The following SLC25A26 variants were observed in gnomAD, a reference collection of about 807,000 sequenced individuals.
The protein encoded by SLC25A26 is solute carrier family 25 member 26, also known as mitochondrial S-adenosylmethionine carrier protein.
Under a neutral mutation model 37.8 loss-of-function variants are expected in SLC25A26, and 36 were observed. That is an observed-to-expected ratio of 0.95 (90% CI 0.73 to 1.26). The LOEUF (loss-of-function observed/expected upper bound fraction) is 1.26, where lower values mean the gene tolerates loss of function less well. Among genes scored for constraint, SLC25A26 ranks in the 50% most tolerant of loss-of-function variants. SLC25A26 has a pLI of 0.00. For missense variants in SLC25A26, 390 were observed against 331.1 expected (o/e 1.18, Z -1.38); for synonymous variants, 129 against 122.5 (o/e 1.05, Z -0.35).
chr3:66,287,573 T>C (rs2107488516), intron 5 of SLC25A26, among the ~76,000 whole-genome samples: 1 of 152,344 alleles, frequency 6.6e-6, no homozygotes, highest in Middle Eastern at 3.4e-3. Context: ...TACTTCCTTA[T>C]ATAGATTGTG....
intron 5 of SLC25A26, among the ~76,000 whole-genome samples, chr3:66,333,219 A>C (rs1196683267): frequency 6.6e-6 from 1 of 152,134 alleles, no homozygotes. Context: ...GGCCCAAGCA[A>C]ATATTCTTCT....
intron 5 of SLC25A26, among the ~76,000 whole-genome samples, chr3:66,326,388 C>A (rs1228183911): frequency 6.6e-6 from 1 of 152,228 alleles, no homozygotes; most frequent in Non-Finnish European, 1.5e-5. Context: ...AGTGGCTCTT[C>A]TTCCTGAGGA....
At chr3:66,170,791 G>GTT (rs36147154) in intron 1 of SLC25A26, among the ~76,000 whole-genome samples, 628 of 50,922 alleles carry the variant, frequency 0.012, 133 homozygotes, top group East Asian at 0.034. Context: ...TGTGATTATT[G>GTT]TTTTTTTTTT....
chr3:66,241,621 A>C (rs1033422046), intron 2 of SLC25A26, among the ~76,000 whole-genome samples: 1 of 152,180 alleles, frequency 6.6e-6, no homozygotes, highest in African/African-American at 2.4e-5. Flanking sequence ...ATGCTAGGGA[A>C]AAGTCAGAGT....
At chr3:66,353,747 C>A (rs2076513283) in intron 6 of SLC25A26, among the ~76,000 whole-genome samples, 1 of 152,184 alleles carries the variant, frequency 6.6e-6, no homozygotes, top group African/African-American at 2.4e-5. Context: ...ACTGTGCTCA[C>A]TTGAGTCAGT....
At chr3:66,256,896 G>A (rs1396575915) in intron 3 of SLC25A26, among the ~76,000 whole-genome samples, 1 of 152,124 alleles carries the variant, frequency 6.6e-6, no homozygotes, top group Non-Finnish European at 1.5e-5. Flanking sequence ...CTGTTTCTAT[G>A]TATATTTATA....
intron 1 of SLC25A26, among the ~76,000 whole-genome samples, chr3:66,209,063 TATACAC>T (rs1230166722): frequency 0.13 from 3,793 of 28,754 alleles, 377 homozygotes; most frequent in Admixed American, 0.31. Context: ...TATATATATA[TATACAC>T]ACACACACCC....
chr3:66,371,899 C>T (rs1007606371), intron 9 of SLC25A26, among the ~76,000 whole-genome samples: 1 of 152,046 alleles, frequency 6.6e-6, no homozygotes, highest in African/African-American at 2.4e-5. Context: ...GAGTTTGAGA[C>T]CAGCCTGGGC....
chr3:66,239,816 CTTTTTTTTTTTT>C (rs536690709), intron 2 of SLC25A26, among the ~76,000 whole-genome samples: 5 of 110,182 alleles, frequency 4.5e-5, no homozygotes, highest in East Asian at 2.9e-4. Context: ...TCCTTTCTTT[CTTTTTTTTTTTT>C]TTTTTTTTTT....
intron 6 of SLC25A26, among the ~76,000 whole-genome samples, chr3:66,357,590 T>A (rs1455178888): frequency 6.6e-6 from 1 of 152,110 alleles, no homozygotes; most frequent in Non-Finnish European, 1.5e-5. Flanking sequence ...GGCCCCTTAA[T>A]GCCCCTCTCC....
chr3:66,212,013 G>C (rs1407864529), intron 1 of SLC25A26, among the ~76,000 whole-genome samples: 2 of 152,136 alleles, frequency 1.3e-5, no homozygotes, highest in Non-Finnish European at 2.9e-5. Flanking sequence ...CGAGTGAACC[G>C]AACCGCAGTC....
At chr3:66,172,904 A>C (rs1055664809) in intron 1 of SLC25A26, among the ~76,000 whole-genome samples, 1 of 152,184 alleles carries the variant, frequency 6.6e-6, no homozygotes, top group African/African-American at 2.4e-5. Context: ...TAGGCACCTC[A>C]TCTTAACTAA....
chr3:66,145,315 T>C (rs777452515), intron 1 of SLC25A26, among the ~76,000 whole-genome samples: 46 of 152,218 alleles, frequency 3.0e-4, no homozygotes, highest in Non-Finnish European at 1.2e-4. Flanking sequence ...AACACTTTGT[T>C]ATCCTAGATC....
chr3:66,206,286 C>T (rs2071176244), intron 1 of SLC25A26, among the ~76,000 whole-genome samples: 2 of 152,270 alleles, frequency 1.3e-5, no homozygotes, highest in South Asian at 2.1e-4. Context: ...CTAAAAAATC[C>T]TACTTTCTCT....
chr3:66,333,300 T>G (rs2076020238), intron 5 of SLC25A26, among the ~76,000 whole-genome samples: 1 of 152,214 alleles, frequency 6.6e-6, no homozygotes, highest in Non-Finnish European at 1.5e-5. Context: ...TTATTAGATC[T>G]GTCCTCCAAG....
At chr3:66,336,944 C>T (rs2076104181) in intron 5 of SLC25A26, among the ~76,000 whole-genome samples, 1 of 152,202 alleles carries the variant, frequency 6.6e-6, no homozygotes, top group Non-Finnish European at 1.5e-5. Flanking sequence ...AGGTGAGGTA[C>T]AACTTGTATC....
intron 5 of SLC25A26, among the ~76,000 whole-genome samples, chr3:66,345,863 G>A (rs1164097786): frequency 6.6e-6 from 1 of 152,170 alleles, no homozygotes; most frequent in Non-Finnish European, 1.5e-5. Context: ...TTTCAAAGGG[G>A]ATTCACAACA....
chr3:66,240,378 C>T (rs540208959), intron 2 of SLC25A26, among the ~76,000 whole-genome samples: 80 of 152,292 alleles, frequency 5.3e-4, no homozygotes, highest in African/African-American at 1.7e-3. Flanking sequence ...CAACCTCAAC[C>T]TCCCAGGCTC....
intron 9 of SLC25A26, chr3:66,371,163 A>G: frequency 7.0e-7 from 1 of 1,438,538 alleles, no homozygotes. Flanking sequence ...CTGAATGTTG[A>G]GATCTTACAG....
Sources: allele counts gnomAD v4.1 joint callset (sites outside exome capture counted in the v4.1 genomes callset), GRCh38; gene constraint gnomAD v4.1.1; transcripts MANE v1.5; gene names NCBI Gene and HGNC (gene_info 2026-07-23, HGNC 2026-07-21).